The following SORCS2 variants were observed in gnomAD, a reference collection of about 807,000 sequenced individuals.
SORCS2 encodes VPS10 domain-containing receptor SorCS2.
In SORCS2, 100 loss-of-function variants were observed where a neutral mutation model predicts 141.6. The observed-to-expected ratio is 0.71, with a 90% CI of 0.60 to 0.83. The LOEUF (loss-of-function observed/expected upper bound fraction) is 0.83. Among genes scored for constraint, SORCS2 ranks in the 40% least tolerant of loss-of-function variants. The pLI is 0.00. For missense variants in SORCS2, 1,646 were observed against 1,560.2 expected (o/e 1.05, Z -0.93); for synonymous variants, 789 against 676.9 (o/e 1.17, Z -2.57).
At chr4:7,295,504 C>A (rs1195730590) in intron 1 of SORCS2, among the ~76,000 whole-genome samples, 1 of 152,084 alleles carries the variant, frequency 6.6e-6, no homozygotes, top group Non-Finnish European at 1.5e-5. Context: ...GCCGTTGGCT[C>A]GAGCCGCCCA....
chr4:7,740,102 G>C (rs368761019), intron 26 of SORCS2, 98 bp from the exon 27 acceptor site: 2 of 1,036,652 alleles, frequency 1.9e-6, no homozygotes, highest in African/African-American at 1.6e-5. Flanking sequence ...CTGCACGTTG[G>C]CTCGAGGCAC....
intron 1 of SORCS2, among the ~76,000 whole-genome samples, chr4:7,206,817 A>G (rs553859727): frequency 6.6e-6 from 1 of 152,278 alleles, no homozygotes; most frequent in East Asian, 1.9e-4. Context: ...TCCCAGCCTC[A>G]TCTCACCCAG....
At chr4:7,395,674 G>GATGA (rs1028543554) in intron 1 of SORCS2, among the ~76,000 whole-genome samples, 45 of 151,950 alleles carry the variant, frequency 3.0e-4, no homozygotes, top group African/African-American at 8.7e-4. Flanking sequence ...CCCCGTGTGT[G>GATGA]ATGAATGAAT....
intron 2 of SORCS2, among the ~76,000 whole-genome samples, chr4:7,456,391 T>C (rs2109310761): frequency 6.6e-6 from 1 of 152,340 alleles, no homozygotes; most frequent in African/African-American, 2.4e-5. Context: ...AAAGAGTTGG[T>C]CTCTGTTTCA....
chr4:7,403,274 G>A (rs1471156163), intron 2 of SORCS2, among the ~76,000 whole-genome samples: 1 of 152,174 alleles, frequency 6.6e-6, no homozygotes, highest in Non-Finnish European at 1.5e-5. Flanking sequence ...GCTTGGGTCT[G>A]CTTCATATCT....
intron 2 of SORCS2, among the ~76,000 whole-genome samples, chr4:7,452,338 C>A (rs1728513975): frequency 6.6e-6 from 1 of 152,128 alleles, no homozygotes; most frequent in African/African-American, 2.4e-5. Context: ...GACAGAGTTT[C>A]ACCACATTGG....
chr4:7,599,996 A>G (rs1218674580), intron 3 of SORCS2, among the ~76,000 whole-genome samples: 1 of 151,584 alleles, frequency 6.6e-6, no homozygotes, highest in African/African-American at 2.4e-5. Context: ...GCTAATTTTT[A>G]TATTTAGTAG....
intron 1 of SORCS2, among the ~76,000 whole-genome samples, chr4:7,336,379 C>A (rs555981945): frequency 6.8e-4 from 103 of 152,290 alleles, no homozygotes; most frequent in Non-Finnish European, 1.2e-3. Context: ...CAGAGACCCC[C>A]AACTCCCCGG....
At chr4:7,536,832 T>TGGGGGGGG (rs367859799) in intron 3 of SORCS2, among the ~76,000 whole-genome samples, 2 of 6,104 alleles carry the variant, frequency 3.3e-4, no homozygotes, top group African/African-American at 4.5e-4. Flanking sequence ...TACTCAGATG[T>TGGGGGGGG]GGGGGGGGGG....
At chr4:7,631,217 G>A (rs756305575) in intron 3 of SORCS2, among the ~76,000 whole-genome samples, 6 of 151,632 alleles carry the variant, frequency 4.0e-5, no homozygotes, top group African/African-American at 7.3e-5. Context: ...CCCGCGGGCC[G>A]GGGAAGAGTC....
At chr4:7,699,303 TCCCAGAGC>T (rs576408401) in intron 12 of SORCS2, among the ~76,000 whole-genome samples, 45 of 152,250 alleles carry the variant, frequency 3.0e-4, no homozygotes, top group Non-Finnish European at 1.2e-4. Context: ...AGCCACCTTT[TCCCAGAGC>T]CCCAAGCTAA....
At chr4:7,342,377 C>A (rs1405703961) in intron 1 of SORCS2, among the ~76,000 whole-genome samples, 1 of 152,224 alleles carries the variant, frequency 6.6e-6, no homozygotes, top group East Asian at 1.9e-4. Flanking sequence ...GCCATCTTGC[C>A]CTTCTTAATC....
At chr4:7,689,157 C>T (rs1724053987) in intron 10 of SORCS2, among the ~76,000 whole-genome samples, 1 of 152,150 alleles carries the variant, frequency 6.6e-6, no homozygotes, top group Non-Finnish European at 1.5e-5. Flanking sequence ...GCAGCTGCAT[C>T]CGTGAGCAGA....
intron 1 of SORCS2, among the ~76,000 whole-genome samples, chr4:7,200,260 G>A (rs190608322): frequency 3.1e-4 from 47 of 152,244 alleles, no homozygotes; most frequent in Non-Finnish European, 2.6e-4. Context: ...CCGGACCCAG[G>A]GGTGCACTCC....
At chr4:7,673,819 C>T (rs551333550) in intron 8 of SORCS2, among the ~76,000 whole-genome samples, 1 of 152,158 alleles carries the variant, frequency 6.6e-6, no homozygotes, top group African/African-American at 2.4e-5. Context: ...GCCAAGCCCC[C>T]GAGCTCAAAG....
intron 2 of SORCS2, among the ~76,000 whole-genome samples, chr4:7,420,207 G>T (rs1423667836): frequency 6.6e-6 from 1 of 152,214 alleles, no homozygotes; most frequent in African/African-American, 2.4e-5. Flanking sequence ...CACCCAGCTG[G>T]CCCCAGTAGA....
intron 3 of SORCS2, among the ~76,000 whole-genome samples, chr4:7,617,088 T>C (rs1445772453): frequency 6.6e-6 from 1 of 152,244 alleles, no homozygotes; most frequent in African/African-American, 2.4e-5. Context: ...GTCCAAATTG[T>C]GGCCAGGCCA....
At chr4:7,255,318 C>G (rs1248795482) in intron 1 of SORCS2, among the ~76,000 whole-genome samples, 2 of 151,944 alleles carry the variant, frequency 1.3e-5, no homozygotes, top group Admixed American at 1.3e-4. Flanking sequence ...TCATCTGGGA[C>G]CTAAAGGGAG....
In SORCS2 at chr4:7,715,243, C is replaced by T. The variant is rs765907967; in HGVS notation, c.2184C>T (p.Asn728=). Residue 728 remains asparagine, a synonymous_variant, in exon 17 of 27, where the codon AAC becomes AAT. Transcript: ENST00000507866. ...CCAGCACCAACAAGTGCTCTGCCAA[C>T]TTCTGGTTTAACCCATTGTCCCCGC... ...SESSTNKCSA[N]FWFNPLSPPD... The T allele has an allele frequency of 1.8e-5, 29 of 1,613,918 alleles. No homozygotes were observed. The highest frequency in any genetic ancestry group is 2.3e-5 in the Non-Finnish European group (27 of 1,179,886).
Sources: gnomAD v4.1 joint callset for allele counts (sites outside exome capture counted in the v4.1 genomes callset) on GRCh38, gnomAD v4.1.1 for gene constraint, MANE v1.5 for transcripts, NCBI Gene and HGNC (gene_info 2026-07-23, HGNC 2026-07-21) for gene names.